The following EXTL3 variants were observed in gnomAD, a reference collection of about 807,000 sequenced individuals.
EXTL3 encodes exostosin like glycosyltransferase 3.
Under a neutral mutation model 69.3 loss-of-function variants are expected in EXTL3, and 27 were observed. The ratio of observed to expected loss-of-function variants is 0.39; its 90% CI spans 0.29 to 0.54. The LOEUF (loss-of-function observed/expected upper bound fraction) is 0.54, where lower values mean the gene tolerates loss of function less well. Ranked by LOEUF, EXTL3 falls within the 20% of genes least tolerant of loss-of-function variation. The pLI is 0.69. For missense variants in EXTL3, 1,003 were observed against 1,231.8 expected, an observed-to-expected ratio of 0.81 and a Z score of 2.78; for synonymous variants, 511 against 499.4, an observed-to-expected ratio of 1.02 and a Z score of -0.31.
rs527857194 is a variant in EXTL3 at position 28,671,374 on chromosome 8, C to T, written c.-52-42083C>T. Among the ~76,000 whole-genome samples, 281 of 145,478 alleles carry T rather than the reference C, an allele frequency of 1.9e-3. 1 individual carries two copies. The highest frequency in any genetic ancestry group is 2.9e-3 in the Non-Finnish European group (193 of 67,006). On this transcript the variant is annotated intron_variant, in intron 1 of 6. Coordinates refer to the EXTL3 transcript ENST00000523149. Reference sequence around the variant, plus strand: ...TTGCCTAGGCTGGAGTGCAGTGTCACGATCTCTGCTCACTCTCTCCTCCGC... The same window carrying T: ...TTGCCTAGGCTGGAGTGCAGTGTCATGATCTCTGCTCACTCTCTCCTCCGC...
chr8:28,674,786 C>T (rs865913266), intron 1 of EXTL3, among the ~76,000 whole-genome samples: 10 of 152,308 alleles, frequency 6.6e-5, no homozygotes, highest in African/African-American at 2.4e-4. Context: ...TGAAGGAGCA[C>T]TCCCACCTTT....
At chr8:28,708,952 T>C (rs544366412) in intron 1 of EXTL3, among the ~76,000 whole-genome samples, 2 of 152,334 alleles carry the variant, frequency 1.3e-5, no homozygotes, top group East Asian at 1.9e-4. Context: ...GAATATTATG[T>C]GTGTCAATTG....
intron 3 of EXTL3, among the ~76,000 whole-genome samples, chr8:28,721,190 G>C (rs1357580095): frequency 6.6e-6 from 1 of 152,170 alleles, no homozygotes; most frequent in Non-Finnish European, 1.5e-5. Context: ...GTGGTTAGCT[G>C]TATTGACTCA....
intron 1 of EXTL3, among the ~76,000 whole-genome samples, chr8:28,656,934 T>A (rs1424407754): frequency 6.6e-6 from 1 of 150,694 alleles, no homozygotes; most frequent in Non-Finnish European, 1.5e-5. Context: ...CTCTCTTACT[T>A]TTTTTTTGTT....
chr8:28,618,401 C>T (rs558974451), upstream of EXTL3, among the ~76,000 whole-genome samples: 4 of 152,122 alleles, frequency 2.6e-5, no homozygotes, highest in Admixed American at 2.0e-4. Context: ...GGAAAAGAGA[C>T]AAAATTCAGA....
intron 1 of EXTL3, among the ~76,000 whole-genome samples, chr8:28,651,207 G>A (rs1806913495): frequency 6.6e-6 from 1 of 152,140 alleles, no homozygotes; most frequent in Non-Finnish European, 1.5e-5. Flanking sequence ...TGCTCAATCT[G>A]TACCTTTAAA....
Position 28,712,885 on chromosome 8 carries a change from C to A in EXTL3, c.-569-572C>A, listed in dbSNP as rs369090650. ...CAGTCTCCAAATGACTTTTTAATAACCTCTGTTTAGACTCTGTATGTAGTA... is the reference window on the plus strand; with the variant it reads ...CAGTCTCCAAATGACTTTTTAATAAACTCTGTTTAGACTCTGTATGTAGTA... On this transcript the variant is annotated intron_variant, in intron 1 of 6. Coordinates refer to ENST00000220562, the MANE Select transcript of EXTL3 (RefSeq NM_001440.4). 1.4e-4 allele frequency among the ~76,000 whole-genome samples: 21 copies of A among 152,280 alleles called. 1 individual carries two copies. The highest frequency in any genetic ancestry group is 9.6e-4 in the East Asian group (5 of 5,190).
chr8:28,627,282 G>A (rs1032056175), intron 1 of EXTL3, among the ~76,000 whole-genome samples: 3 of 152,102 alleles, frequency 2.0e-5, no homozygotes, highest in Non-Finnish European at 2.9e-5. Context: ...GCTGAGGCAG[G>A]CGGATCACTT....
chr8:28,607,893 A>T (rs531310977), intron 2 of EXTL3: 157 of 151,746 alleles, frequency 1.0e-3, no homozygotes, highest in African/African-American at 3.7e-3. Context: ...CGGGCGGATC[A>T]CGAGGTCAGG....
At chr8:28,650,331 T>G (rs1806898292) in intron 1 of EXTL3, among the ~76,000 whole-genome samples, 1 of 151,942 alleles carries the variant, frequency 6.6e-6, no homozygotes, top group African/African-American at 2.4e-5. Flanking sequence ...GATAATTGAT[T>G]GGTTCAGCAC....
intron 1 of EXTL3, among the ~76,000 whole-genome samples, chr8:28,711,565 A>C (rs537381414): frequency 3.9e-5 from 6 of 152,054 alleles, no homozygotes; most frequent in Non-Finnish European, 8.8e-5. Flanking sequence ...GCTCAGGGAG[A>C]TTATGTAACA....
intron 3 of EXTL3, among the ~76,000 whole-genome samples, chr8:28,730,923 T>C (rs1801521229): frequency 6.6e-6 from 1 of 152,148 alleles, no homozygotes; most frequent in Non-Finnish European, 1.5e-5. Context: ...CTTGGGAGAG[T>C]TGTTTTTAAT....
At chr8:28,713,909 T>TC (rs1179067661) in intron 2 of EXTL3, among the ~76,000 whole-genome samples, 2 of 147,534 alleles carry the variant, frequency 1.4e-5, no homozygotes, top group African/African-American at 5.0e-5. Flanking sequence ...CTTTCTTTTT[T>TC]TTTTTTTTTT....
chr8:28,691,649 G>A (rs531021240), intron 1 of EXTL3, among the ~76,000 whole-genome samples: 1 of 149,482 alleles, frequency 6.7e-6, no homozygotes, highest in African/African-American at 2.5e-5. Flanking sequence ...TGTAATCCCA[G>A]CACTTTGGGA....
intron 1 of EXTL3, among the ~76,000 whole-genome samples, chr8:28,706,053 C>A (rs1391031848): frequency 3.3e-5 from 5 of 152,122 alleles, no homozygotes; most frequent in Non-Finnish European, 7.4e-5. Context: ...AACATGTTTT[C>A]ATTTTATTTA....
Position 28,711,145 on chromosome 8 carries a change from A to G in EXTL3, c.-569-2312A>G, listed in dbSNP as rs1346002382. On this transcript the variant is annotated intron_variant, in intron 1 of 6. Coordinates refer to ENST00000220562, the MANE Select transcript of EXTL3 (RefSeq NM_001440.4). ...GTTGGTCTATTTCACTGAAGTGTAT[A>G]GAGTTGTTTGTAGCCTGCAGGGACT... 2.6e-5 allele frequency among the ~76,000 whole-genome samples: 4 copies of G among 152,276 alleles called. No homozygotes were observed. The South Asian group carries it at 6.2e-4, about 24-fold the overall frequency.
At chr8:28,616,784 G>C (rs1806337666) in intron 2 of EXTL3, among the ~76,000 whole-genome samples, 1 of 152,174 alleles carries the variant, frequency 6.6e-6, no homozygotes, top group Admixed American at 6.5e-5. Flanking sequence ...AGTGCATCAG[G>C]GTTCCCAGGA....
chr8:28,705,391 C>T (rs1451335461), intron 1 of EXTL3, among the ~76,000 whole-genome samples: 1 of 152,044 alleles, frequency 6.6e-6, no homozygotes, highest in Non-Finnish European at 1.5e-5. Flanking sequence ...GCTGAATTCA[C>T]CCACAAAGGG....
chr8:28,727,531 T>C (rs986154639), intron 3 of EXTL3, among the ~76,000 whole-genome samples: 1 of 152,226 alleles, frequency 6.6e-6, no homozygotes, highest in Non-Finnish European at 1.5e-5. Flanking sequence ...TATCAAATCA[T>C]TGTAGTTTTT....
Sources: allele counts gnomAD v4.1 joint callset (sites outside exome capture counted in the v4.1 genomes callset), GRCh38; gene constraint gnomAD v4.1.1; transcripts MANE v1.5; gene names NCBI Gene and HGNC (gene_info 2026-07-23, HGNC 2026-07-21).